Variants in CNTNAP2 observed in about 807,000 individuals in gnomAD.
The protein encoded by CNTNAP2 is contactin-associated protein-like 2.
Under a neutral mutation model 155.2 loss-of-function variants are expected in CNTNAP2, and 98 were observed. That is an observed-to-expected ratio of 0.63 (90% confidence interval 0.54 to 0.75). CNTNAP2 has a LOEUF of 0.75. CNTNAP2 is among the 30% of genes least tolerant of loss of function. CNTNAP2 has a pLI of 0.00. For synonymous variants in CNTNAP2, 651 were observed against 631.2 expected, an observed-to-expected ratio of 1.03 and a Z score of -0.47; for missense variants, 1,727 against 1,688.1, an observed-to-expected ratio of 1.02 and a Z score of -0.40.
At chr7:148,021,275 G>A (rs939092289) in intron 15 of CNTNAP2, among the ~76,000 whole-genome samples, 4 of 151,976 alleles carry the variant, frequency 2.6e-5, no homozygotes, top group East Asian at 3.9e-4. Context: ...TGCCACTGTC[G>A]GCCACGTATT....
At chr7:147,933,473 A>G (rs1800543706) in intron 14 of CNTNAP2, among the ~76,000 whole-genome samples, 1 of 151,346 alleles carries the variant, frequency 6.6e-6, no homozygotes, top group African/African-American at 2.4e-5. Context: ...ATATGTATAT[A>G]TGAATGGATA....
chr7:148,259,911 T>C (rs1796527215), intron 20 of CNTNAP2, among the ~76,000 whole-genome samples: 2 of 152,180 alleles, frequency 1.3e-5, no homozygotes, highest in Admixed American at 1.3e-4. Context: ...GGAGTCACAG[T>C]CTTTAATTTT....
intron 2 of CNTNAP2, among the ~76,000 whole-genome samples, chr7:146,819,271 G>A (rs941897101): frequency 9.2e-5 from 14 of 152,098 alleles, no homozygotes; most frequent in African/African-American, 3.4e-4. Flanking sequence ...GATGACAATG[G>A]TAGTTATTTC....
chr7:148,290,509 TAGG>T (rs1797171059), intron 21 of CNTNAP2, among the ~76,000 whole-genome samples: 1 of 152,250 alleles, frequency 6.6e-6, no homozygotes, highest in Non-Finnish European at 1.5e-5. Context: ...AGGTCAAGGA[TAGG>T]AGAATTTCCA....
intron 9 of CNTNAP2, among the ~76,000 whole-genome samples, chr7:147,336,580 G>A (rs540106160): frequency 6.6e-6 from 1 of 152,238 alleles, no homozygotes; most frequent in South Asian, 2.1e-4. Flanking sequence ...ATCGTAGGTG[G>A]AAGAGATCTT....
intron 12 of CNTNAP2, among the ~76,000 whole-genome samples, chr7:147,565,135 C>T (rs1388144671): frequency 6.6e-6 from 1 of 152,072 alleles, no homozygotes; most frequent in Non-Finnish European, 1.5e-5. Context: ...TATAAATGCT[C>T]CCCTAAATCC....
chr7:147,421,267 G>A (rs1450577831), intron 10 of CNTNAP2, among the ~76,000 whole-genome samples: 1 of 151,918 alleles, frequency 6.6e-6, no homozygotes, highest in African/African-American at 2.4e-5. Context: ...GTTTCTGCTA[G>A]TAACTCAGCC....
intron 10 of CNTNAP2, among the ~76,000 whole-genome samples, chr7:147,437,285 T>G (rs1338105783): frequency 6.6e-6 from 1 of 152,156 alleles, no homozygotes; most frequent in African/African-American, 2.4e-5. Flanking sequence ...GCAAGTATAC[T>G]GTGAGGCCCA....
At chr7:147,849,665 C>A (rs1302180245) in intron 13 of CNTNAP2, among the ~76,000 whole-genome samples, 1 of 152,180 alleles carries the variant, frequency 6.6e-6, no homozygotes, top group Non-Finnish European at 1.5e-5. Context: ...TTGGACAATT[C>A]CTGAATAAGC....
chr7:147,468,548 G>A (rs1798159013), intron 10 of CNTNAP2, among the ~76,000 whole-genome samples: 1 of 152,124 alleles, frequency 6.6e-6, no homozygotes, highest in South Asian at 2.1e-4. Flanking sequence ...CATTCTGATA[G>A]ATGAGATTAT....
At chr7:146,316,279 A>T (rs1800903902) in intron 1 of CNTNAP2, among the ~76,000 whole-genome samples, 1 of 152,138 alleles carries the variant, frequency 6.6e-6, no homozygotes, top group Non-Finnish European at 1.5e-5. Flanking sequence ...AAAGAGATAA[A>T]GCCTGGTGCT....
intron 9 of CNTNAP2, among the ~76,000 whole-genome samples, chr7:147,333,954 A>G (rs1293205919): frequency 6.6e-6 from 1 of 152,132 alleles, no homozygotes; most frequent in East Asian, 1.9e-4. Context: ...CTTCACATCA[A>G]AGCAGACTTG....
intron 1 of CNTNAP2, among the ~76,000 whole-genome samples, chr7:146,215,965 A>G (rs562654180): frequency 6.6e-6 from 1 of 152,330 alleles, no homozygotes; most frequent in South Asian, 2.1e-4. Flanking sequence ...TGTGAATTGA[A>G]AGAAATACAT....
intron 3 of CNTNAP2, among the ~76,000 whole-genome samples, chr7:146,916,295 C>T (rs1796393008): frequency 6.6e-6 from 1 of 151,936 alleles, no homozygotes; most frequent in Non-Finnish European, 1.5e-5. Flanking sequence ...TTGTTATGTC[C>T]TTTCTTGGTT....
intron 9 of CNTNAP2, among the ~76,000 whole-genome samples, chr7:147,386,479 C>G (rs1796627938): frequency 6.6e-6 from 1 of 152,126 alleles, no homozygotes; most frequent in Non-Finnish European, 1.5e-5. Flanking sequence ...CTGCCAGATA[C>G]CCTAAATCAC....
Position 146,721,776 on chromosome 7 carries a change from T to A in CNTNAP2, c.98-52495T>A, listed in dbSNP as rs1185142185. Among the ~76,000 whole-genome samples, 89 of 123,562 alleles carry A rather than the reference T, an allele frequency of 7.2e-4. 1 individual carries two copies. The highest frequency in any genetic ancestry group is 1.1e-3 in the Non-Finnish European group (71 of 62,986). The allele number at this position is 123,562 out of a possible 152,430, so 81.1% of individuals were successfully genotyped here. ...TTCTATATATAGTCTACATATATAT[T>A]CTATATATAGTCTACATATATAGAC... On this transcript the variant is annotated intron_variant, in intron 1 of 23. Coordinates refer to ENST00000361727, the MANE Select transcript of CNTNAP2 (RefSeq NM_014141.6).
intron 11 of CNTNAP2, among the ~76,000 whole-genome samples, chr7:147,539,430 A>T (rs546013339): frequency 2.0e-5 from 3 of 152,286 alleles, no homozygotes; most frequent in Non-Finnish European, 2.9e-5. Context: ...TCCAGAGCCA[A>T]ACTATTTTGG....
In CNTNAP2 at chr7:146,765,317, A is replaced by T. The variant is rs150810169; in HGVS notation, c.98-8954A>T. Among the ~76,000 whole-genome samples, 36 of 152,314 alleles carry T rather than the reference A, an allele frequency of 2.4e-4. No individual in the cohort carries two copies. In the East Asian group the frequency reaches 7.0e-3, roughly 29 times the overall value. ...TCAGAGATGATATTTCTTATGTGGG[A>T]TACAGTGAAGTAGATCTATGTGTAA... On this transcript the variant is annotated intron_variant, in intron 1 of 23. Transcript: ENST00000361727.
At chr7:147,610,495 A>T (rs985841286) in intron 12 of CNTNAP2, among the ~76,000 whole-genome samples, 35 of 152,192 alleles carry the variant, frequency 2.3e-4, no homozygotes, top group African/African-American at 8.4e-4. Context: ...GTTTGAAGCA[A>T]CCAGCATGCC....
Sources: allele counts gnomAD v4.1 joint callset (sites outside exome capture counted in the v4.1 genomes callset), GRCh38; gene constraint gnomAD v4.1.1; transcripts MANE v1.5; gene names NCBI Gene and HGNC (gene_info 2026-07-23, HGNC 2026-07-21).